HOXA4: variants seen among roughly 807,000 people sequenced by gnomAD.
HOXA4 encodes the protein homeobox protein Hox-A4.
In HOXA4, 31 loss-of-function variants were observed where a neutral mutation model predicts 25.3. That is an observed-to-expected ratio of 1.22 (90% CI 0.92 to 1.65). HOXA4 has a LOEUF of 1.65. Ranked by LOEUF, HOXA4 falls within the 40% of genes most tolerant of loss-of-function variation. HOXA4 has a pLI of 0.00. For missense variants in HOXA4, 459 were observed against 446.0 expected, an observed-to-expected ratio of 1.03 and a Z score of -0.26; for synonymous variants, 225 against 207.7, an observed-to-expected ratio of 1.08 and a Z score of -0.72.
rs1248654224 is a variant in HOXA4 at position 27,130,458 on chromosome 7, C to T, written c.276G>A (p.Ala92=). ...GGTAGGCGGTGTCCGCGGCCCCATG[C>T]GCGGGGTACAGCGCGGCAGCAGGGT... ...PAYPAAALYP[A]HGAADTAYPY... The change falls in exon 1 of 2, where the codon GCG becomes GCA. Residue 92 remains alanine (A), a synonymous_variant. Transcript: ENST00000360046. 8.1e-7 allele frequency: 1 copy of T among 1,228,786 alleles called. No homozygotes were observed. Among genetic ancestry groups the T allele is most frequent in the Non-Finnish European group, 1.0e-6 (1 of 986,040 alleles). 76.1% of individuals were successfully genotyped at this position (1,228,786 alleles called of 1,614,324 possible).
chr7:27,130,212 C>G lies in HOXA4; in HGVS notation c.522G>C (p.Ala174=). 2.0e-6 allele frequency: 3 copies of G among 1,528,032 alleles called. No homozygotes were observed. Among genetic ancestry groups the G allele is most frequent in the Non-Finnish European group, 2.6e-6 (3 of 1,142,778 alleles). The allele number at this position is 1,528,032 out of a possible 1,614,324, so 94.7% of individuals were successfully genotyped here. Residue 174 remains alanine (A), a synonymous_variant, in exon 1 of 2, where the codon GCG becomes GCC. Transcript: ENST00000360046. ...PGVPAGGSAP[A]CPLLLADKSP... ...TCTTGTCGGCCAAGAGCAGCGGGCACGCGGGGGCGCTGCCCCCTGCCGGGA... is the reference window on the plus strand; with the variant it reads ...TCTTGTCGGCCAAGAGCAGCGGGCAGGCGGGGGCGCTGCCCCCTGCCGGGA...
rs17500757 is a variant in HOXA4 at position 27,129,239 on chromosome 7, G to A, written c.949C>T (p.Pro317Ser). 1 of 1,542,306 alleles carries A rather than the reference G, an allele frequency of 6.5e-7. No homozygotes were observed. The highest frequency in any genetic ancestry group is 9.0e-7 in the Non-Finnish European group (1 of 1,114,780). Residue 317 changes from proline to serine, a missense_variant, in exon 2 of 2, where the codon CCC becomes TCC. Transcript: ENST00000360046. ...TCTCTAGAAGATTATATGGAGGAGGGAACGGGTGTGGAGGTGCTCGGGTGG... is the reference window on the plus strand; with the variant it reads ...TCTCTAGAAGATTATATGGAGGAGGAAACGGGTGTGGAGGTGCTCGGGTGG... Reference protein sequence around the residue: ...HPHPSTSTPVPSSI With the variant: ...HPHPSTSTPVSSSI
At position 27,130,185 on chromosome 7, in the gene HOXA4, G is replaced by A. The variant is rs556430778; in HGVS notation, c.549C>T (p.Ser183=). The change falls in exon 1 of 2, where the codon AGC becomes AGT. Residue 183 remains serine (S), a synonymous_variant. Coordinates refer to ENST00000360046, the MANE Select transcript of HOXA4 (RefSeq NM_002141.5). ...PACPLLLADK[S]PLGLKGKEPV... ...GCTCCTTGCCCTTCAGGCCCAGCGG[G>A]CTCTTGTCGGCCAAGAGCAGCGGGC... The A allele has an allele frequency of 1.8e-5, 28 of 1,585,780 alleles. No individual in the cohort carries two copies. The African/African-American group carries it at 3.5e-4, about 20-fold the overall frequency.
chr7:27,129,324 C>T lies in HOXA4; in HGVS notation c.864G>A (p.Ser288=). Reference sequence around the variant, plus strand: ...CTTTCCCTGGTGGGCCGGCAGAGGCCGAGGCCGAATTGGAGGATCGCATCT... The same window carrying T: ...CTTTCCCTGGTGGGCCGGCAGAGGCTGAGGCCGAATTGGAGGATCGCATCT... ...NTKMRSSNSA[S]ASAGPPGKAQ... is the part of the protein sequence containing the mutation. Residue 288 remains serine, a synonymous_variant, in exon 2 of 2, where the codon TCG becomes TCA. Coordinates refer to ENST00000360046, the MANE Select transcript of HOXA4 (RefSeq NM_002141.5). 1 of 1,614,064 alleles carries T rather than the reference C, an allele frequency of 6.2e-7. No homozygotes were observed. Among genetic ancestry groups the T allele is most frequent in the Non-Finnish European group, 8.5e-7 (1 of 1,180,010 alleles).
chr7:27,129,890 G>C lies in HOXA4; in HGVS notation c.616+228C>G. The C allele has an allele frequency of 4.9e-6, 3 of 610,432 alleles. No individual in the cohort carries two copies. The South Asian group carries it at 5.9e-5, about 12-fold the overall frequency. 37.8% of individuals were successfully genotyped at this position (610,432 alleles called of 1,614,324 possible). ...CTATAATTACTGCCCTAACAGTTTG[G>C]CGTCTCGTAAATCTCCTGATAAAGG... On this transcript the variant is annotated intron_variant, in intron 1 of 1. Transcript: ENST00000360046.
chr7:27,129,432 G>C lies in HOXA4; in HGVS notation c.756C>G (p.Leu252=). 1 of 1,614,216 alleles carries C rather than the reference G, an allele frequency of 6.2e-7. No homozygotes were observed. Among genetic ancestry groups the C allele is most frequent in the Non-Finnish European group, 8.5e-7 (1 of 1,180,046 alleles). ...RRRRIEIAHT[L]CLSERQVKIW... is the part of the protein sequence containing the mutation. Reference sequence around the variant, plus strand: ...TCTTGACCTGGCGCTCAGACAAACAGAGCGTGTGGGCGATCTCGATGCGGC... The same window carrying C: ...TCTTGACCTGGCGCTCAGACAAACACAGCGTGTGGGCGATCTCGATGCGGC... The change falls in exon 2 of 2, where the codon CTC becomes CTG. Residue 252 remains leucine (L), a synonymous_variant. Transcript: ENST00000360046.
At position 27,129,243 on chromosome 7, in the gene HOXA4, G is replaced by A. The variant is rs755258643; in HGVS notation, c.945C>T (p.Pro315=). The stretch of plus-strand genomic sequence containing the variant: ...TAGAAGATTATATGGAGGAGGGAAC[G>A]GGTGTGGAGGTGCTCGGGTGGGGGT... ...HPHPHPSTST[P]VPSSI Residue 315 remains proline (P), a synonymous_variant, in exon 2 of 2, where the codon CCC becomes CCT. Transcript: ENST00000360046. 3.8e-6 allele frequency: 6 copies of A among 1,559,448 alleles called. No individual in the cohort carries two copies. The highest frequency in any genetic ancestry group is 2.2e-5 in the South Asian group (2 of 90,018).
chr7:27,129,024 G>A lies in HOXA4; in HGVS notation c.*201C>T, dbSNP rs1785398654. ...AGGTTGTTCCACCAGCCAGCATCCT[G>A]GACAACTGTTCTCTCTTGGGTGGCA... On this transcript the variant is annotated 3_prime_UTR_variant, in exon 2 of 2. Transcript: ENST00000360046. The A allele has an allele frequency of 3.2e-6, 2 of 627,278 alleles. No homozygotes were observed. Among genetic ancestry groups the A allele is most frequent in the African/African-American group, 3.6e-5 (2 of 54,920 alleles). 38.9% of individuals were successfully genotyped at this position (627,278 alleles called of 1,614,324 possible).
intron 1 of HOXA4, 98 bp from the exon 2 acceptor site, chr7:27,129,669 G>T: frequency 7.7e-7 from 1 of 1,293,054 alleles, no homozygotes; most frequent in Non-Finnish European, 1.1e-6. Flanking sequence ...AAGAGCAATT[G>T]GACATCATCA....
chr7:27,129,136 C>T lies in HOXA4; in HGVS notation c.*89G>A, dbSNP rs1785402722. 1 of 842,054 alleles carries T rather than the reference C, an allele frequency of 1.2e-6. No homozygotes were observed. The highest frequency in any genetic ancestry group is 1.7e-5 in the African/African-American group (1 of 59,998). 52.2% of individuals were successfully genotyped at this position (842,054 alleles called of 1,614,324 possible). ...GTTTGTTTTGGTGTCTATTATGGTC[C>T]AGATGGGGAGGGGTGGATGAGGAAC... On this transcript the variant is annotated 3_prime_UTR_variant, in exon 2 of 2. Transcript: ENST00000360046.
rs1583396842 is a variant in HOXA4 at position 27,130,472 on chromosome 7, C to T, written c.262G>A (p.Ala88Thr). 3.2e-6 allele frequency: 4 copies of T among 1,256,782 alleles called. No individual in the cohort carries two copies. In the East Asian group the frequency reaches 1.4e-4, roughly 43 times the overall value. 77.9% of individuals were successfully genotyped at this position (1,256,782 alleles called of 1,614,324 possible). The change falls in exon 1 of 2, where the codon GCG becomes ACG. Residue 88 changes from alanine to threonine, a missense_variant. Transcript: ENST00000360046. ...TAREPAYPAA[A>T]LYPAHGAADT... ...GCGGCCCCATGCGCGGGGTACAGCGCGGCAGCAGGGTAGGCGGGCTCGCGG... is the reference window on the plus strand; with the variant it reads ...GCGGCCCCATGCGCGGGGTACAGCGTGGCAGCAGGGTAGGCGGGCTCGCGG...
chr7:27,129,502 T>A lies in HOXA4; in HGVS notation c.686A>T (p.Glu229Val). ...ATTGAAGTGGAACTCCTTCTCCAGC[T>A]CCAAGACCTGCTGCCGGGTGTAGGC... The part of the protein sequence containing the change: ...RTAYTRQQVL[E>V]LEKEFHFNRY... The change falls in exon 2 of 2, where the codon GAG becomes GTG. Residue 229 changes from glutamate (E) to valine (V), a missense_variant. Transcript: ENST00000360046. 6.2e-7 allele frequency: 1 copy of A among 1,614,048 alleles called. No homozygotes were observed. The highest frequency in any genetic ancestry group is 8.5e-7 in the Non-Finnish European group (1 of 1,179,984).
At position 27,130,108 on chromosome 7, in the gene HOXA4, C is replaced by A. The variant is rs750722717; in HGVS notation, c.616+10G>T. The A allele has an allele frequency of 1.9e-6, 3 of 1,592,610 alleles. No homozygotes were observed. The highest frequency in any genetic ancestry group is 1.1e-5 in the South Asian group (1 of 89,058). ...CCCACCTCCCGCGCCTCCCAAGCGGCGCCACGTACCGGCGCTGACATGGAT... is the reference window on the plus strand; with the variant it reads ...CCCACCTCCCGCGCCTCCCAAGCGGAGCCACGTACCGGCGCTGACATGGAT... On this transcript the variant is annotated intron_variant, in intron 1 of 1. Transcript: ENST00000360046.
At chr7:27,130,082 G>GC (rs1785457895) in intron 1 of HOXA4, 36 bp downstream of exon 1, 1 of 1,562,430 alleles carries the variant, frequency 6.4e-7, no homozygotes. Flanking sequence ...CCCAGCCCCG[G>GC]CCCACCTCCC....
Position 27,130,740 on chromosome 7 carries a change from G to A in HOXA4, c.-7C>T, listed in dbSNP as rs1404805234. The A allele has an allele frequency of 6.2e-7, 1 of 1,602,808 alleles. No homozygotes were observed. Among genetic ancestry groups the A allele is most frequent in the South Asian group, 1.1e-5 (1 of 89,754 alleles). On this transcript the variant is annotated 5_prime_UTR_variant, in exon 1 of 2. Transcript: ENST00000360046. ...AAAACGAGCTCATGGTCATTAATTTGTGAAGTGCAAAAATACTAATTTTTC... is the reference window on the plus strand; with the variant it reads ...AAAACGAGCTCATGGTCATTAATTTATGAAGTGCAAAAATACTAATTTTTC...
At chr7:27,129,883 C>A in intron 1 of HOXA4, 1 of 608,688 alleles carries the variant, frequency 1.6e-6, no homozygotes, top group Non-Finnish European at 2.9e-6. Context: ...ACTGCCCTAA[C>A]AGTTTGGCGT....
In HOXA4 at chr7:27,130,705, G is replaced by C. The variant is rs756347275; in HGVS notation, c.29C>G (p.Ser10Cys). MTMSSFLINSNYIEPKFPPF... is the reference protein window; with the variant it reads MTMSSFLINCNYIEPKFPPF... The stretch of plus-strand genomic sequence containing the variant: ...AGGGAACTTGGGCTCGATGTAGTTG[G>C]AGTTTATCAAAAACGAGCTCATGGT... The change falls in exon 1 of 2, where the codon TCC becomes TGC. Residue 10 changes from serine to cysteine, a missense_variant. Coordinates refer to ENST00000360046, the MANE Select transcript of HOXA4 (RefSeq NM_002141.5). The C allele has an allele frequency of 1.9e-6, 3 of 1,608,460 alleles. No individual in the cohort carries two copies. The highest frequency in any genetic ancestry group is 2.5e-6 in the Non-Finnish European group (3 of 1,177,240).
rs748084932 is a variant in HOXA4, at chr7:27,130,729, G to A, written c.5C>T (p.Thr2Ile). The A allele has an allele frequency of 5.0e-6, 8 of 1,605,490 alleles. No homozygotes were observed. The highest frequency in any genetic ancestry group is 1.3e-5 in the African/African-American group (1 of 74,572). Residue 2 changes from threonine to isoleucine, a missense_variant, in exon 1 of 2, where the codon ACC (threonine) becomes ATC (isoleucine). Thr to Ile is a moderately conservative substitution (Grantham distance 89, BLOSUM62 -1). Coordinates refer to ENST00000360046, the MANE Select transcript of HOXA4 (RefSeq NM_002141.5). ...GGAGTTTATCAAAAACGAGCTCATG[G>A]TCATTAATTTGTGAAGTGCAAAAAT... is the stretch of plus-strand genomic sequence containing the variant. MTMSSFLINSNY... is the reference protein window; with the variant it reads MIMSSFLINSNY...
At position 27,130,206 on chromosome 7, in the gene HOXA4, C is replaced by T. The variant is rs1176828284; in HGVS notation, c.528G>A (p.Pro176=). The T allele has an allele frequency of 2.6e-6, 4 of 1,547,176 alleles. No homozygotes were observed. In the Admixed American group the frequency reaches 5.5e-5, roughly 21 times the overall value. Residue 176 remains proline, a synonymous_variant, in exon 1 of 2, where the codon CCG becomes CCA. Coordinates refer to ENST00000360046, the MANE Select transcript of HOXA4 (RefSeq NM_002141.5). ...GCGGGCTCTTGTCGGCCAAGAGCAGCGGGCACGCGGGGGCGCTGCCCCCTG... is the reference window on the plus strand; with the variant it reads ...GCGGGCTCTTGTCGGCCAAGAGCAGTGGGCACGCGGGGGCGCTGCCCCCTG... ...VPAGGSAPAC[P]LLLADKSPLG...
Sources: allele counts gnomAD v4.1 joint callset, GRCh38; gene constraint gnomAD v4.1.1; transcripts MANE v1.5; gene names NCBI Gene and HGNC (gene_info 2026-07-23, HGNC 2026-07-21).